The following EIF2AK2 variants were observed in gnomAD, a reference collection of about 807,000 sequenced individuals.
The protein encoded by EIF2AK2 is interferon-induced, double-stranded RNA-activated protein kinase.
Under a neutral mutation model 70.5 loss-of-function variants are expected in EIF2AK2, and 40 were observed. That is an observed-to-expected ratio of 0.57 (90% CI 0.44 to 0.74). The LOEUF is 0.74. EIF2AK2 is among the 30% of genes least tolerant of loss of function. The pLI, the probability that EIF2AK2 is intolerant of heterozygous loss-of-function variation, is 0.00. For synonymous variants in EIF2AK2, 198 were observed against 220.9 expected (o/e 0.90, Z 0.92); for missense variants, 555 against 644.3 (o/e 0.86, Z 1.50).
At chr2:37,108,300 C>T (rs1245750120) in intron 15 of EIF2AK2, among the ~76,000 whole-genome samples, 1 of 152,146 alleles carries the variant, frequency 6.6e-6, no homozygotes, top group Non-Finnish European at 1.5e-5. Context: ...CTTATATACT[C>T]CAATACAACT....
At position 37,107,403 on chromosome 2, in the gene EIF2AK2, GACAGTGAGAGTCAATAGTAAGAAATAAA is replaced by G; in HGVS notation, c.1534-36_1534-9del. 6.2e-7 allele frequency: 1 copy of G among 1,612,512 alleles called. No individual in the cohort carries two copies. Among genetic ancestry groups the G allele is most frequent in the Non-Finnish European group, 8.5e-7 (1 of 1,179,690 alleles). ...TTTCTGTAGAAGAGTTTTCTGCAAT[GACAGTGAGAGTCAATAGTAAGAAATAAA>G]ACATTGAAATAAATAAAATTCTGAT... On this transcript the variant is annotated splice_polypyrimidine_tract_variant and intron_variant, in intron 16 of 16. Coordinates refer to ENST00000233057, the MANE Select transcript of EIF2AK2 (RefSeq NM_001135651.3).
rs569825519 is a variant in EIF2AK2 at position 37,101,742 on chromosome 2, C to G, written c.*5531G>C. On this transcript the variant is annotated 3_prime_UTR_variant, in exon 17 of 17. Coordinates refer to ENST00000233057, the MANE Select transcript of EIF2AK2 (RefSeq NM_001135651.3). ...ATTTTACAGAGTAAAGGAGACACATCAACCAAATGCAATGTTGGATCTAGA... is the reference window on the plus strand; with the variant it reads ...ATTTTACAGAGTAAAGGAGACACATGAACCAAATGCAATGTTGGATCTAGA... The G allele has an allele frequency of 6.6e-6, 1 of 152,136 alleles. No homozygotes were observed. Among genetic ancestry groups the G allele is most frequent in the Non-Finnish European group, 1.5e-5 (1 of 68,036 alleles). 9.4% of individuals were successfully genotyped at this position (152,136 alleles called of 1,614,324 possible). A position where few individuals can be genotyped will look rare whatever the true frequency, so the allele number is the denominator to read the frequency against.
intron 14 of EIF2AK2, among the ~76,000 whole-genome samples, chr2:37,111,933 C>G (rs767917094): frequency 7.5e-6 from 1 of 134,060 alleles, no homozygotes; most frequent in South Asian, 2.3e-4. Context: ...CTCTCTCTCT[C>G]TCTCTCTATA....
At chr2:37,125,728 T>A (rs570508805) in intron 11 of EIF2AK2, among the ~76,000 whole-genome samples, 1 of 152,200 alleles carries the variant, frequency 6.6e-6, no homozygotes, top group South Asian at 2.1e-4. Flanking sequence ...CAAGTGAGAA[T>A]TGTCCAGATG....
chr2:37,127,962 G>A (rs946912991), intron 10 of EIF2AK2, among the ~76,000 whole-genome samples: 24 of 151,940 alleles, frequency 1.6e-4, no homozygotes, highest in African/African-American at 5.6e-4. Flanking sequence ...GGCTGGTCTC[G>A]AACTCCTGAC....
Position 37,152,443 on chromosome 2 carries a change from C to A in EIF2AK2, c.-183-3420G>T, listed in dbSNP as rs1021927586. On this transcript the variant is annotated intron_variant, in intron 1 of 16. Coordinates refer to ENST00000233057, the MANE Select transcript of EIF2AK2 (RefSeq NM_001135651.3). Reference sequence around the variant, plus strand: ...ACTATGGGACTACAGGTGCCCACCACCACGCCCAGCTAATTTTTGTATTTT... The same window carrying A: ...ACTATGGGACTACAGGTGCCCACCAACACGCCCAGCTAATTTTTGTATTTT... 4.5e-4 allele frequency among the ~76,000 whole-genome samples: 69 copies of A among 152,118 alleles called. 2 individuals carry two copies. Among genetic ancestry groups the A allele is most frequent in the Non-Finnish European group, 8.8e-5 (6 of 68,026 alleles).
intron 10 of EIF2AK2, among the ~76,000 whole-genome samples, chr2:37,129,550 C>G (rs1674868764): frequency 6.6e-6 from 1 of 152,166 alleles, no homozygotes; most frequent in South Asian, 2.1e-4. Flanking sequence ...CCACAAAACC[C>G]AGGTTAATTG....
At position 37,126,337 on chromosome 2, in the gene EIF2AK2, CTG is replaced by C. The variant is rs908143529; in HGVS notation, c.858_859del (p.His286GlnfsTer3). ...AATAACGTAAGTCTTTCCGTCAATT[CTG>C]TGTTTTGCTTTGAAAACTTGGCCAA... On this transcript the variant is annotated frameshift_variant, in exon 11 of 17. Transcript: ENST00000233057. LOFTEE classifies it high-confidence loss of function. 4 of 1,612,408 alleles carry C rather than the reference CTG, an allele frequency of 2.5e-6. No homozygotes were observed. The highest frequency in any genetic ancestry group is 2.2e-5 in the East Asian group (1 of 44,864).
At chr2:37,155,603 T>C (rs1456303407) in intron 1 of EIF2AK2, among the ~76,000 whole-genome samples, 1 of 152,112 alleles carries the variant, frequency 6.6e-6, no homozygotes. Context: ...AGTGAGCTCT[T>C]TGGGGAGCAG....
intron 1 of EIF2AK2, among the ~76,000 whole-genome samples, chr2:37,149,545 C>T (rs1161457214): frequency 7.5e-6 from 1 of 132,588 alleles, no homozygotes; most frequent in African/African-American, 2.7e-5. Context: ...GTAGGCAGGT[C>T]CTCAATGTGC....
intron 8 of EIF2AK2, 139 bp from the exon 9 acceptor site, chr2:37,137,156 C>G: frequency 1.7e-6 from 1 of 596,154 alleles, no homozygotes; most frequent in Non-Finnish European, 2.9e-6. Context: ...TCATCAAGCC[C>G]TGTATCAACA....
At chr2:37,142,864 A>G (rs1426190392) in intron 4 of EIF2AK2, among the ~76,000 whole-genome samples, 1 of 152,160 alleles carries the variant, frequency 6.6e-6, no homozygotes, top group Non-Finnish European at 1.5e-5. Context: ...TACATTTTAC[A>G]TAGTTTTCCT....
At chr2:37,141,119 A>C (rs1675315214) in intron 5 of EIF2AK2, among the ~76,000 whole-genome samples, 1 of 152,200 alleles carries the variant, frequency 6.6e-6, no homozygotes, top group African/African-American at 2.4e-5. Flanking sequence ...TTGTTCATTT[A>C]ATCAAATTTG....
At chr2:37,110,079 C>CTT (rs763001824) in intron 14 of EIF2AK2, among the ~76,000 whole-genome samples, 9 of 143,518 alleles carry the variant, frequency 6.3e-5, no homozygotes, top group African/African-American at 2.3e-4. Flanking sequence ...AAAATGTTGC[C>CTT]TTTTTTTTTT....
In EIF2AK2 at chr2:37,103,528, A is replaced by G. The variant is rs2148658921; in HGVS notation, c.*3745T>C. 1 of 152,312 alleles carries G rather than the reference A, an allele frequency of 6.6e-6. No homozygotes were observed. Among genetic ancestry groups the G allele is most frequent in the African/African-American group, 2.4e-5 (1 of 41,572 alleles). The allele number at this position is 152,312 out of a possible 1,614,324, so 9.4% of individuals were successfully genotyped here. On this transcript the variant is annotated 3_prime_UTR_variant, in exon 17 of 17. Transcript: ENST00000233057. ...GAATATTAAAATGAGGTCAGTAAAGATAAGGCTACATTCTCACTAACTGGC... is the reference window on the plus strand; with the variant it reads ...GAATATTAAAATGAGGTCAGTAAAGGTAAGGCTACATTCTCACTAACTGGC...
At position 37,148,881 on chromosome 2, in the gene EIF2AK2, G is replaced by A; in HGVS notation, c.-41C>T. On this transcript the variant is annotated 5_prime_UTR_variant, in exon 2 of 17. Transcript: ENST00000233057. ...CCTGGTTGGAAGCTTTGTCCAAAAT[G>A]CACGCAGATAATCACGGAAGTGTGG... 1 of 835,572 alleles carries A rather than the reference G, an allele frequency of 1.2e-6. No homozygotes were observed. The allele number at this position is 835,572 out of a possible 1,614,324, so 51.8% of individuals were successfully genotyped here. A position where few individuals can be genotyped will look rare whatever the true frequency, so the allele number is the denominator to read the frequency against.
chr2:37,132,942 T>G (rs1674999602), intron 10 of EIF2AK2, among the ~76,000 whole-genome samples: 1 of 152,202 alleles, frequency 6.6e-6, no homozygotes, highest in African/African-American at 2.4e-5. Context: ...CAAATGAGCT[T>G]CGACTGTCAC....
intron 3 of EIF2AK2, 36 bp from the exon 4 acceptor site, chr2:37,147,009 A>G (rs886388042): frequency 1.3e-6 from 2 of 1,584,804 alleles, no homozygotes; most frequent in African/African-American, 2.7e-5. Flanking sequence ...AATATTATAC[A>G]ACTCATGCAC....
intron 4 of EIF2AK2, among the ~76,000 whole-genome samples, chr2:37,143,433 T>A (rs1031942294): frequency 6.6e-6 from 1 of 152,144 alleles, no homozygotes; most frequent in African/African-American, 2.4e-5. Context: ...CATTACCTGC[T>A]CTCTGTAAAC....
Sources: gnomAD v4.1 joint callset for allele counts (sites outside exome capture counted in the v4.1 genomes callset) on GRCh38, gnomAD v4.1.1 for gene constraint, MANE v1.5 for transcripts, NCBI Gene and HGNC (gene_info 2026-07-23, HGNC 2026-07-21) for gene names.